EIF4E3: variants seen among roughly 807,000 people sequenced by gnomAD.
EIF4E3 encodes the protein eukaryotic translation initiation factor 4E type 3.
Under a neutral mutation model 31.7 loss-of-function variants are expected in EIF4E3, and 26 were observed. The observed-to-expected ratio is 0.82, with a 90% CI of 0.60 to 1.14. The LOEUF (loss-of-function observed/expected upper bound fraction) is 1.14. Ranked by LOEUF, EIF4E3 falls within the 50% of genes most tolerant of loss-of-function variation. The probability of loss-of-function intolerance (pLI) is 0.00; values close to 1 mark genes in which losing one functional copy is unlikely to be tolerated. For missense variants in EIF4E3, 304 were observed against 270.9 expected, an observed-to-expected ratio of 1.12 and a Z score of -0.86; for synonymous variants, 128 against 107.7, an observed-to-expected ratio of 1.19 and a Z score of -1.17.
upstream of EIF4E3, among the ~76,000 whole-genome samples, chr3:71,727,107 G>T (rs1186606776): frequency 6.6e-6 from 1 of 152,174 alleles, no homozygotes; most frequent in Non-Finnish European, 1.5e-5. Flanking sequence ...CCAGAGTCTA[G>T]ACTTTCAACT....
chr3:71,662,792 C>A, the EIF4E3 span, among the ~76,000 whole-genome samples: 1 of 152,042 alleles, frequency 6.6e-6, no homozygotes, highest in Admixed American at 6.5e-5. Context: ...GGAGACTTTG[C>A]AGATGTCTTG....
At chr3:71,674,451 A>G (rs1470764482), downstream of EIF4E3, among the ~76,000 whole-genome samples, 1 of 152,138 alleles carries the variant, frequency 6.6e-6, no homozygotes. Context: ...GCTCTTAGAA[A>G]ATAATTGGAA....
chr3:71,722,875 A>C (rs552983702), intron 1 of EIF4E3, among the ~76,000 whole-genome samples: 3 of 152,200 alleles, frequency 2.0e-5, no homozygotes, highest in Non-Finnish European at 4.4e-5. Context: ...GGCACCTGTT[A>C]GGTGTTGTAC....
intron 2 of EIF4E3, 80 bp from the exon 3 acceptor site, chr3:71,699,788 T>G (rs1176492442): frequency 3.8e-5 from 46 of 1,195,500 alleles, no homozygotes; most frequent in Non-Finnish European, 5.5e-5. Context: ...ATTAATGCAT[T>G]AAAGAAAAAT....
At chr3:71,754,277 G>A, upstream of EIF4E3, 8 of 1,183,032 alleles carry the variant, frequency 6.8e-6, no homozygotes, top group Non-Finnish European at 8.4e-6. This position sits in a 1 kb window ranked among gnomAD's most constrained non-coding sequence, Gnocchi z 5.8. Context: ...CGGCCGTCAT[G>A]CTGGCGGCGC....
chr3:71,702,157 C>G (rs544524640), intron 2 of EIF4E3, among the ~76,000 whole-genome samples: 7 of 152,140 alleles, frequency 4.6e-5, no homozygotes, highest in Non-Finnish European at 7.3e-5. Context: ...GGTCATGAAG[C>G]CACAGAAAGA....
chr3:71,747,878 C>T (rs2594109), intron 1 of EIF4E3, among the ~76,000 whole-genome samples: 116,750 of 152,174 alleles, frequency 0.77, 45,204 homozygotes, highest in South Asian at 0.86. Context: ...TCACTAAACA[C>T]ATTTTGCTTA....
Position 71,725,241 on chromosome 3 carries a change from C to A in EIF4E3, c.127G>T (p.Glu43Ter). 8.9e-7 allele frequency: 1 copy of A among 1,119,174 alleles called. No individual in the cohort carries two copies. Among genetic ancestry groups the A allele is most frequent in the South Asian group, 2.5e-5 (1 of 40,094 alleles). The allele number at this position is 1,119,174 out of a possible 1,614,324, so 69.3% of individuals were successfully genotyped here. Residue 43 changes from glutamate (E) to a stop codon, truncating the protein, a stop_gained, in exon 1 of 7, where the codon GAG (glutamate) becomes TAG (stop). Coordinates refer to ENST00000425534, the MANE Select transcript of EIF4E3 (RefSeq NM_001134651.2). LOFTEE classifies it high-confidence loss of function. The surrounding 1 kb of genome is among the most constrained non-coding windows in gnomAD (Gnocchi z 6.1). ...GAGTGCAGCGGGACCCCGCCCGGCT[C>A]AGGCTGCAGCGCCGACAGCTGCTGC... Reference protein sequence around the residue: ...GLQQLSALQPEPGGVPLHSSW... With the variant: ...GLQQLSALQP
At position 71,694,110 on chromosome 3, in the gene EIF4E3, C is replaced by T. The variant is rs571280692; in HGVS notation, c.406-169G>A. On this transcript the variant is annotated intron_variant, in intron 4 of 6. Coordinates refer to ENST00000425534, the MANE Select transcript of EIF4E3 (RefSeq NM_001134651.2). ...AATCCTAGGTGCAAACACTTATCAC[C>T]GTGGCATATTTTTCATTGGTTTACA... 1.4e-4 allele frequency among the ~76,000 whole-genome samples: 21 copies of T among 152,318 alleles called. 1 individual carries two copies. In the Middle Eastern group the frequency reaches 0.01, roughly 74 times the overall value.
At chr3:71,707,659 C>T (rs754180952) in intron 2 of EIF4E3, among the ~76,000 whole-genome samples, 7 of 151,962 alleles carry the variant, frequency 4.6e-5, no homozygotes, top group African/African-American at 7.3e-5. Flanking sequence ...TCACCTATGA[C>T]GAAATTTTAA....
At chr3:71,687,632 T>C (rs1290660587) in intron 6 of EIF4E3, among the ~76,000 whole-genome samples, 1 of 152,194 alleles carries the variant, frequency 6.6e-6, no homozygotes, top group Non-Finnish European at 1.5e-5. Context: ...CTTAGCAGAA[T>C]TGGCCAGGGT....
upstream of EIF4E3, chr3:71,754,497 C>G: frequency 7.8e-7 from 1 of 1,288,120 alleles, no homozygotes; most frequent in Non-Finnish European, 9.8e-7. The surrounding 1 kb of genome is among the most constrained non-coding windows in gnomAD (Gnocchi z 5.8). Flanking sequence ...CGCCTGGGCG[C>G]TGGCGCTGGC....
intron 2 of EIF4E3, 124 bp from the exon 3 acceptor site, chr3:71,699,832 A>G (rs554643875): frequency 2.7e-6 from 2 of 741,000 alleles, no homozygotes; most frequent in African/African-American, 3.5e-5. Flanking sequence ...TTCAAAATAG[A>G]TTTTTCTCAG....
intron 1 of EIF4E3, among the ~76,000 whole-genome samples, chr3:71,723,241 C>A (rs780519656): frequency 1.4e-4 from 21 of 152,156 alleles, no homozygotes; most frequent in Non-Finnish European, 2.4e-4. Flanking sequence ...TGTTCATAAC[C>A]TCAAGGGGGA....
intron 6 of EIF4E3, among the ~76,000 whole-genome samples, chr3:71,687,541 G>A (rs1290471837): frequency 1.3e-5 from 2 of 152,178 alleles, no homozygotes; most frequent in Non-Finnish European, 2.9e-5. Flanking sequence ...GTAACACAGA[G>A]GGCAGATTTG....
intron 1 of EIF4E3, among the ~76,000 whole-genome samples, chr3:71,739,872 A>C (rs1174040849): frequency 1.3e-5 from 2 of 152,202 alleles, no homozygotes; most frequent in African/African-American, 4.8e-5. Context: ...TGTTTAAATA[A>C]AAATAATAAC....
chr3:71,753,941 G>A (rs1296536419), upstream of EIF4E3: 4 of 1,014,984 alleles, frequency 3.9e-6, no homozygotes, highest in East Asian at 9.6e-5. Context: ...CGCAGGACGG[G>A]GAGCTCGCCC....
chr3:71,669,704 T>C, the EIF4E3 span, among the ~76,000 whole-genome samples: 1 of 152,160 alleles, frequency 6.6e-6, no homozygotes, highest in Non-Finnish European at 1.5e-5. Flanking sequence ...GGCCTAAACA[T>C]GACTTCAACC....
intron 6 of EIF4E3, among the ~76,000 whole-genome samples, chr3:71,685,042 C>T (rs2048973323): frequency 6.6e-6 from 1 of 152,158 alleles, no homozygotes. Context: ...CAAGCAAATG[C>T]CGCAGGGGAA....
Sources: allele counts gnomAD v4.1 joint callset (sites outside exome capture counted in the v4.1 genomes callset), GRCh38; gene constraint gnomAD v4.1.1; non-coding constraint Gnocchi (gnomAD v3.1); transcripts MANE v1.5; gene names NCBI Gene and HGNC (gene_info 2026-07-23, HGNC 2026-07-21).